Variants in CAPS2 observed in about 807,000 individuals in gnomAD.
CAPS2 encodes the protein calcyphosine 2, also known as calcyphosin-2.
CAPS2 carries 98 observed loss-of-function variants against 86.5 expected under a neutral mutation model. That is an observed-to-expected ratio of 1.13 (90% CI 0.96 to 1.34). CAPS2 has a LOEUF of 1.34. Among genes scored for constraint, CAPS2 ranks in the 40% most tolerant of loss-of-function variants. CAPS2 has a pLI of 0.00. For synonymous variants in CAPS2, 210 were observed against 225.1 expected, an observed-to-expected ratio of 0.93 and a Z score of 0.60; for missense variants, 729 against 686.8, an observed-to-expected ratio of 1.06 and a Z score of -0.69.
upstream of CAPS2, chr12:75,330,152 T>C: frequency 3.2e-6 from 1 of 314,736 alleles, no homozygotes; most frequent in Non-Finnish European, 5.8e-6. Flanking sequence ...CCCTTGTTCG[T>C]TCTACGCCAC....
chr12:75,334,478 T>G (rs2041567057), upstream of CAPS2: 8 of 1,303,672 alleles, frequency 6.1e-6, no homozygotes, highest in Non-Finnish European at 6.8e-6. Flanking sequence ...GTTTGGATGG[T>G]TGAAATTCCC....
intron 7 of CAPS2, chr12:75,306,070 T>G: frequency 6.8e-7 from 1 of 1,470,094 alleles, no homozygotes; most frequent in African/African-American, 1.4e-5. Flanking sequence ...TAGAACGTGC[T>G]GCGCGTCCTG....
intron 1 of CAPS2, among the ~76,000 whole-genome samples, chr12:75,362,551 T>C (rs1315623266): frequency 6.6e-6 from 1 of 152,212 alleles, no homozygotes; most frequent in Non-Finnish European, 1.5e-5. Context: ...ATACTACTCA[T>C]GTTGTTATGT....
intron 2 of CAPS2, among the ~76,000 whole-genome samples, chr12:75,324,076 C>T (rs1219914997): frequency 2.0e-5 from 3 of 152,170 alleles, no homozygotes; most frequent in African/African-American, 7.2e-5. Context: ...CATGTCTATA[C>T]CTGTCACACA....
chr12:75,286,473 A>G (rs983541587), intron 14 of CAPS2, among the ~76,000 whole-genome samples: 1 of 151,888 alleles, frequency 6.6e-6, no homozygotes, highest in African/African-American at 2.4e-5. Flanking sequence ...GTAATTTAAC[A>G]TAATTGTCAA....
At chr12:75,381,614 GTTTT>G (rs34705874) in intron 1 of CAPS2, among the ~76,000 whole-genome samples, 2 of 87,914 alleles carry the variant, frequency 2.3e-5, no homozygotes, top group Non-Finnish European at 4.2e-5. Context: ...TTTCTTAAGT[GTTTT>G]TTTTTTTTTT....
chr12:75,350,691 G>C (rs138309149), intron 1 of CAPS2, among the ~76,000 whole-genome samples: 1 of 152,202 alleles, frequency 6.6e-6, no homozygotes, highest in East Asian at 1.9e-4. Flanking sequence ...CCCATCCAAA[G>C]GTCAGCAGAT....
At chr12:75,329,648 A>G (rs1215971533), upstream of CAPS2, among the ~76,000 whole-genome samples, 1 of 152,208 alleles carries the variant, frequency 6.6e-6, no homozygotes, top group East Asian at 1.9e-4. Flanking sequence ...AAAGAGATGT[A>G]AATACAATTT....
upstream of CAPS2, among the ~76,000 whole-genome samples, chr12:75,330,962 C>A (rs1056856839): frequency 6.6e-6 from 1 of 151,882 alleles, no homozygotes; most frequent in Non-Finnish European, 1.5e-5. Flanking sequence ...TATTTTGTAT[C>A]TTTATATAGA....
At chr12:75,278,706 T>G (rs944325767) in exon 17 of CAPS2, 1 of 1,311,844 alleles carries the variant, frequency 7.6e-7, no homozygotes, top group Admixed American at 3.7e-5. Flanking sequence ...ACATCTATCT[T>G]TCTGGATAGT....
chr12:75,303,762 A>G (rs1373966627), intron 8 of CAPS2, among the ~76,000 whole-genome samples: 1 of 152,236 alleles, frequency 6.6e-6, no homozygotes, highest in Non-Finnish European at 1.5e-5. Context: ...GAACATTAAA[A>G]TGGAGAGATT....
chr12:75,366,522 C>G (rs1017484984), intron 1 of CAPS2, among the ~76,000 whole-genome samples: 5 of 152,106 alleles, frequency 3.3e-5, no homozygotes, highest in Admixed American at 1.3e-4. Flanking sequence ...TACTAGTAAA[C>G]CTGGCATGCC....
At chr12:75,361,204 A>T (rs142603285) in intron 1 of CAPS2, among the ~76,000 whole-genome samples, 148 of 152,248 alleles carry the variant, frequency 9.7e-4, no homozygotes, top group African/African-American at 2.4e-3. Context: ...TATGCCAAAA[A>T]AAATAAATAA....
intron 9 of CAPS2, among the ~76,000 whole-genome samples, chr12:75,299,421 T>C (rs1014701202): frequency 7.2e-5 from 11 of 152,310 alleles, no homozygotes; most frequent in African/African-American, 2.6e-4. Flanking sequence ...ACTGGAAATC[T>C]ATAAGACTGA....
chr12:75,310,047 CATTT>C (rs945882052), intron 7 of CAPS2, among the ~76,000 whole-genome samples: 1 of 152,154 alleles, frequency 6.6e-6, no homozygotes, highest in Non-Finnish European at 1.5e-5. Flanking sequence ...TTCATTCATT[CATTT>C]ACCTATTCAA....
intron 5 of CAPS2, among the ~76,000 whole-genome samples, chr12:75,319,239 T>G (rs1487577521): frequency 6.6e-6 from 1 of 152,170 alleles, no homozygotes; most frequent in Non-Finnish European, 1.5e-5. Context: ...GTTTGTCCCC[T>G]CTAAGCCTCA....
intron 1 of CAPS2, among the ~76,000 whole-genome samples, chr12:75,381,025 CTT>C (rs1332508429): frequency 2.0e-5 from 3 of 152,096 alleles, no homozygotes; most frequent in Non-Finnish European, 4.4e-5. Context: ...ATGGCTCAGT[CTT>C]TTAGAGACTG....
intron 14 of CAPS2, among the ~76,000 whole-genome samples, chr12:75,286,347 C>A (rs2034861577): frequency 6.6e-6 from 1 of 151,888 alleles, no homozygotes; most frequent in Non-Finnish European, 1.5e-5. Context: ...TGAGCTTGAC[C>A]TTTAAAATCA....
rs1415199095 is a variant in CAPS2, at chr12:75,324,180, GTAAA to G, written c.132-962_132-959del. Among the ~76,000 whole-genome samples, 6 of 152,216 alleles carry G rather than the reference GTAAA, an allele frequency of 3.9e-5. No homozygotes were observed. In the East Asian group the frequency reaches 9.7e-4, roughly 25 times the overall value. On this transcript the variant is annotated intron_variant, in intron 2 of 16. Coordinates refer to ENST00000393284, the Ensembl canonical transcript of CAPS2. ...GAAATCACTCATGTCACTTTTTAAA[GTAAA>G]TAAAAATATTAACCAATATTCATGT...
Sources: gnomAD v4.1 joint callset for allele counts (sites outside exome capture counted in the v4.1 genomes callset) on GRCh38, gnomAD v4.1.1 for gene constraint, MANE v1.5 for transcripts, NCBI Gene and HGNC (gene_info 2026-07-23, HGNC 2026-07-21) for gene names.